Variants in CSMD3 observed in about 807,000 individuals in gnomAD.
CSMD3 encodes the protein CUB and Sushi multiple domains 3, also known as CUB and sushi domain-containing protein 3.
In CSMD3, 177 loss-of-function variants were observed where a neutral mutation model predicts 435.2. The ratio of observed to expected loss-of-function variants is 0.41; its 90% CI spans 0.36 to 0.46. The LOEUF (loss-of-function observed/expected upper bound fraction) is 0.46. CSMD3 is among the 20% of genes least tolerant of loss of function. The pLI is 0.34. For synonymous variants in CSMD3, 1,656 were observed against 1,520.5 expected (o/e 1.09, Z -2.07); for missense variants, 4,265 against 4,504.6 (o/e 0.95, Z 1.52).
At chr8:112,979,061 T>A (rs1377136776) in intron 6 of CSMD3, among the ~76,000 whole-genome samples, 1 of 151,928 alleles carries the variant, frequency 6.6e-6, no homozygotes, top group Non-Finnish European at 1.5e-5. Flanking sequence ...ATTTTGGTTT[T>A]AACTTTCAAA....
intron 13 of CSMD3, among the ~76,000 whole-genome samples, chr8:112,723,760 T>G (rs562581960): frequency 1.9e-4 from 29 of 152,256 alleles, no homozygotes; most frequent in African/African-American, 7.0e-4. Context: ...GACCTAGTTT[T>G]ATCATCCCTA....
intron 3 of CSMD3, among the ~76,000 whole-genome samples, chr8:113,184,021 C>A (rs981935413): frequency 6.6e-6 from 1 of 152,012 alleles, no homozygotes; most frequent in Non-Finnish European, 1.5e-5. Flanking sequence ...CCCCAGGCAC[C>A]AGGCAAAAGT....
chr8:112,670,960 A>G (rs1379330050), intron 16 of CSMD3, among the ~76,000 whole-genome samples: 2 of 152,164 alleles, frequency 1.3e-5, no homozygotes, highest in Non-Finnish European at 2.9e-5. Flanking sequence ...TTAATTTAAT[A>G]AAATTAAGTA....
intron 4 of CSMD3, among the ~76,000 whole-genome samples, chr8:113,152,513 G>A (rs1564370014): frequency 6.6e-6 from 1 of 151,984 alleles, no homozygotes; most frequent in Non-Finnish European, 1.5e-5. Flanking sequence ...TGTTCCAGGA[G>A]TAAGAAACAT....
chr8:112,768,966 C>G (rs1206883016), intron 13 of CSMD3, among the ~76,000 whole-genome samples: 1 of 152,050 alleles, frequency 6.6e-6, no homozygotes, highest in Middle Eastern at 3.4e-3. Flanking sequence ...GCTATTTATT[C>G]ACATATCCAA....
chr8:113,382,184 A>T (rs1656223703), intron 1 of CSMD3, among the ~76,000 whole-genome samples: 1 of 152,172 alleles, frequency 6.6e-6, no homozygotes, highest in Admixed American at 6.5e-5. Context: ...TTTTGTATGC[A>T]TTGATAAATT....
chr8:113,375,756 G>C (rs1023138800), intron 1 of CSMD3, among the ~76,000 whole-genome samples: 2 of 152,012 alleles, frequency 1.3e-5, no homozygotes, highest in Non-Finnish European at 2.9e-5. Context: ...GCTTATGTAA[G>C]ACTAAAATAT....
intron 1 of CSMD3, among the ~76,000 whole-genome samples, chr8:113,359,392 A>C (rs896940866): frequency 6.6e-6 from 1 of 152,228 alleles, no homozygotes; most frequent in African/African-American, 2.4e-5. Context: ...GTGTAGTAAA[A>C]GAAGAATTAA....
chr8:112,703,861 C>T (rs1328886831), intron 13 of CSMD3, among the ~76,000 whole-genome samples: 1 of 152,054 alleles, frequency 6.6e-6, no homozygotes, highest in African/African-American at 2.4e-5. Flanking sequence ...AGGAGGAAAT[C>T]TATAACTGCC....
chr8:113,045,059 C>T (rs2131302531), intron 5 of CSMD3, among the ~76,000 whole-genome samples: 2 of 149,002 alleles, frequency 1.3e-5, no homozygotes, highest in Non-Finnish European at 3.0e-5. Flanking sequence ...TTATGTGCAA[C>T]GATCTAAAAA....
At chr8:112,352,166 G>A (rs1434823608) in intron 39 of CSMD3, among the ~76,000 whole-genome samples, 1 of 151,980 alleles carries the variant, frequency 6.6e-6, no homozygotes, top group Non-Finnish European at 1.5e-5. Context: ...TTAAAATCAA[G>A]GAGAAAGGAC....
chr8:113,156,637 A>T (rs1426875183), intron 4 of CSMD3, among the ~76,000 whole-genome samples: 1 of 151,842 alleles, frequency 6.6e-6, no homozygotes, highest in African/African-American at 2.4e-5. Context: ...ATAGTGGTTC[A>T]CGTCTGCAAT....
intron 13 of CSMD3, among the ~76,000 whole-genome samples, chr8:112,780,323 GT>G (rs1014985391): frequency 7.9e-5 from 12 of 152,072 alleles, no homozygotes; most frequent in Admixed American, 7.2e-4. Flanking sequence ...ATCTTTTTGA[GT>G]CTCAATTTCC....
chr8:112,231,269 T>C (rs570034578), intron 69 of CSMD3, among the ~76,000 whole-genome samples: 1 of 152,338 alleles, frequency 6.6e-6, no homozygotes, highest in Non-Finnish European at 1.5e-5. Context: ...TCTATATCAC[T>C]TTTTCTCCTT....
chr8:113,238,809 T>A (rs904263787), intron 3 of CSMD3, among the ~76,000 whole-genome samples: 1 of 152,162 alleles, frequency 6.6e-6, no homozygotes, highest in Non-Finnish European at 1.5e-5. Context: ...CCTCTGGCAC[T>A]TATAGGATAG....
intron 3 of CSMD3, among the ~76,000 whole-genome samples, chr8:113,238,943 T>C (rs2093180719): frequency 1.3e-5 from 2 of 152,160 alleles, no homozygotes; most frequent in African/African-American, 4.8e-5. Context: ...ACGGAAGTTA[T>C]TGAGAATGAG....
At chr8:113,066,970 G>A (rs1423547871) in intron 5 of CSMD3, among the ~76,000 whole-genome samples, 1 of 152,036 alleles carries the variant, frequency 6.6e-6, no homozygotes, top group Non-Finnish European at 1.5e-5. Context: ...GCCTAATTTG[G>A]ATTAAGTAAT....
chr8:112,492,211 C>A (rs961315538), intron 31 of CSMD3, among the ~76,000 whole-genome samples: 4 of 152,120 alleles, frequency 2.6e-5, no homozygotes, highest in Non-Finnish European at 5.9e-5. Flanking sequence ...GTCCTGAAGG[C>A]ACACAAATTA....
In CSMD3 at chr8:113,436,789, T is replaced by A. The variant is rs2094709285; in HGVS notation, c.66A>T (p.Arg22=). 6.2e-7 allele frequency: 1 copy of A among 1,614,204 alleles called. No individual in the cohort carries two copies. Among genetic ancestry groups the A allele is most frequent in the Non-Finnish European group, 8.5e-7 (1 of 1,180,050 alleles). ...CTAGGCGGCCACATTTAGCGCATCT[T>A]CGCTTGCCAGGCTCCCAGGGTTTGG... is the stretch of plus-strand genomic sequence containing the variant. ...KESKPWEPGK[R]RCAKCGRLDF... The change falls in exon 1 of 71, where the codon CGA becomes CGT. Residue 22 remains arginine, a synonymous_variant. Transcript: ENST00000297405.
Sources: allele counts gnomAD v4.1 joint callset (sites outside exome capture counted in the v4.1 genomes callset), GRCh38; gene constraint gnomAD v4.1.1; transcripts MANE v1.5; gene names NCBI Gene and HGNC (gene_info 2026-07-23, HGNC 2026-07-21).